Variants in SCRN1 observed in about 807,000 individuals in gnomAD.
The protein encoded by SCRN1 is secernin 1, also known as secernin-1.
Under a neutral mutation model 43.3 loss-of-function variants are expected in SCRN1, and 19 were observed. The observed-to-expected ratio is 0.44, with a 90% CI of 0.31 to 0.64. SCRN1 has a LOEUF of 0.64. SCRN1 is among the 30% of genes least tolerant of loss of function. The pLI is 0.09. For missense variants in SCRN1, 447 were observed against 524.1 expected, an observed-to-expected ratio of 0.85 and a Z score of 1.44; for synonymous variants, 183 against 188.9, an observed-to-expected ratio of 0.97 and a Z score of 0.26.
At chr7:29,945,333 C>T (rs576341865) in intron 3 of SCRN1, among the ~76,000 whole-genome samples, 7 of 152,266 alleles carry the variant, frequency 4.6e-5, no homozygotes, top group African/African-American at 9.6e-5. Flanking sequence ...TCAGGGGGTC[C>T]GGTCTTTCCT....
intron 1 of SCRN1, among the ~76,000 whole-genome samples, chr7:29,987,734 T>C (rs1789205412): frequency 6.6e-6 from 1 of 152,224 alleles, no homozygotes; most frequent in Admixed American, 6.5e-5. Flanking sequence ...ACAGACTTGC[T>C]GTTCTCCCCC....
intron 3 of SCRN1, among the ~76,000 whole-genome samples, chr7:29,947,743 C>A (rs892529085): frequency 3.3e-5 from 5 of 152,172 alleles, no homozygotes; most frequent in African/African-American, 1.2e-4. Context: ...AAGCCTCATC[C>A]CCAGTGTGAT....
chr7:29,930,111 A>C (rs565238657), intron 6 of SCRN1, among the ~76,000 whole-genome samples: 1 of 152,242 alleles, frequency 6.6e-6, no homozygotes, highest in Non-Finnish European at 1.5e-5. Context: ...CAACTAATAA[A>C]AAATATAAAG....
At chr7:29,957,431 T>C (rs1274343287) in intron 2 of SCRN1, among the ~76,000 whole-genome samples, 1 of 152,256 alleles carries the variant, frequency 6.6e-6, no homozygotes, top group East Asian at 1.9e-4. Context: ...TTTTCCTCTT[T>C]GCCGTTCCAT....
rs1786816426 is a variant in SCRN1 at position 29,922,948 on chromosome 7, TG to T, written c.*1008del. 6.6e-6 allele frequency: 1 copy of T among 152,220 alleles called. No homozygotes were observed. Among genetic ancestry groups the T allele is most frequent in the African/African-American group, 2.4e-5 (1 of 41,552 alleles). The allele number at this position is 152,220 out of a possible 1,614,324, so 9.4% of individuals were successfully genotyped here. A position where few individuals can be genotyped will look rare whatever the true frequency, so the allele number is the denominator to read the frequency against. On this transcript the variant is annotated 3_prime_UTR_variant, in exon 8 of 8. Coordinates refer to ENST00000242059, the MANE Select transcript of SCRN1 (RefSeq NM_014766.5). The stretch of plus-strand genomic sequence containing the variant: ...ATCAGTTTAATTAAAGTCTCTCTGC[TG>T]AGATAATGTAGTGACTGCTAGGATT...
Position 29,940,918 on chromosome 7 carries a change from T to C in SCRN1, c.545-42A>G, listed in dbSNP as rs370627615. ...GCCCCATAAGTTAAAAATATACTTATAAAGACTTAATCAACAAATGGAAAT... is the reference window on the plus strand; with the variant it reads ...GCCCCATAAGTTAAAAATATACTTACAAAGACTTAATCAACAAATGGAAAT... On this transcript the variant is annotated intron_variant, in intron 4 of 7. Transcript: ENST00000242059. 1.3e-4 allele frequency: 189 copies of C among 1,416,582 alleles called. 1 individual carries two copies. The highest frequency in any genetic ancestry group is 8.8e-5 in the Non-Finnish European group (95 of 1,079,078). 87.8% of individuals were successfully genotyped at this position (1,416,582 alleles called of 1,614,324 possible).
At chr7:29,984,918 CAAAA>C (rs748869830) in intron 1 of SCRN1, among the ~76,000 whole-genome samples, 1 of 55,590 alleles carries the variant, frequency 1.8e-5, no homozygotes, top group Non-Finnish European at 3.7e-5. Flanking sequence ...GACTCTGTCT[CAAAA>C]AAAAAAAAAA....
At chr7:29,947,742 C>T (rs1787780675) in intron 3 of SCRN1, among the ~76,000 whole-genome samples, 1 of 152,198 alleles carries the variant, frequency 6.6e-6, no homozygotes, top group South Asian at 2.1e-4. Flanking sequence ...TAAGCCTCAT[C>T]CCCAGTGTGA....
At chr7:29,931,627 T>C (rs1448856069) in intron 6 of SCRN1, among the ~76,000 whole-genome samples, 3 of 152,234 alleles carry the variant, frequency 2.0e-5, no homozygotes, top group African/African-American at 7.2e-5. Context: ...TAGAATTTAA[T>C]ATCACTGGCT....
chr7:29,960,845 A>G (rs1788283092), intron 2 of SCRN1, among the ~76,000 whole-genome samples: 1 of 152,156 alleles, frequency 6.6e-6, no homozygotes, highest in Non-Finnish European at 1.5e-5. Context: ...ATCCTCAGAG[A>G]GGATACCTAT....
chr7:29,966,732 G>A (rs1294839541), intron 2 of SCRN1, among the ~76,000 whole-genome samples: 1 of 152,212 alleles, frequency 6.6e-6, no homozygotes, highest in East Asian at 1.9e-4. Flanking sequence ...CAGTAAGAGA[G>A]GAAAGTGGGT....
intron 1 of SCRN1, among the ~76,000 whole-genome samples, chr7:29,981,636 T>C (rs188688376): frequency 1.2e-4 from 18 of 152,328 alleles, no homozygotes; most frequent in African/African-American, 4.3e-4. Flanking sequence ...TCTACTAGCC[T>C]GACTGAGTGA....
chr7:29,940,385 T>C (rs1323530384), intron 5 of SCRN1, among the ~76,000 whole-genome samples: 1 of 152,070 alleles, frequency 6.6e-6, no homozygotes, highest in Non-Finnish European at 1.5e-5. Context: ...TAATTACTGA[T>C]GTATGAGGAT....
chr7:29,944,484 G>A (rs1287244220), intron 3 of SCRN1, among the ~76,000 whole-genome samples: 1 of 151,866 alleles, frequency 6.6e-6, no homozygotes, highest in African/African-American at 2.4e-5. Flanking sequence ...AACATAGCGA[G>A]ACCTCTTCCT....
At chr7:29,943,093 T>G (rs771340899) in intron 4 of SCRN1, among the ~76,000 whole-genome samples, 109 of 152,098 alleles carry the variant, frequency 7.2e-4, no homozygotes, top group Non-Finnish European at 1.4e-3. Flanking sequence ...CCTGGTAAAT[T>G]TAGTTAAGAA....
In SCRN1 at chr7:29,920,398, C is replaced by CA. The variant is rs1786714720; in HGVS notation, c.*3558dup. 1 of 152,092 alleles carries CA rather than the reference C, an allele frequency of 6.6e-6. No homozygotes were observed. Among genetic ancestry groups the CA allele is most frequent in the African/African-American group, 2.4e-5 (1 of 41,410 alleles). The allele number at this position is 152,092 out of a possible 1,614,324, so 9.4% of individuals were successfully genotyped here. A position where few individuals can be genotyped will look rare whatever the true frequency, so the allele number is the denominator to read the frequency against. ...GGTGACATTTCGGGATGTTTGGAGT[C>CA]AATCAGATAAAGCACATTATGACAG... On this transcript the variant is annotated 3_prime_UTR_variant, in exon 8 of 8. Transcript: ENST00000242059.
Position 29,920,303 on chromosome 7 carries a change from A to G in SCRN1, c.*3654T>C, listed in dbSNP as rs1786711547. On this transcript the variant is annotated 3_prime_UTR_variant, in exon 8 of 8. Transcript: ENST00000242059. ...TTATTCCCTGCCAATAGCATTTTCC[A>G]TCTAACACATTTAAATTCTCACAGC... The G allele has an allele frequency of 6.6e-6, 1 of 152,210 alleles. No individual in the cohort carries two copies. Among genetic ancestry groups the G allele is most frequent in the African/African-American group, 2.4e-5 (1 of 41,394 alleles). The allele number at this position is 152,210 out of a possible 1,614,324, so 9.4% of individuals were successfully genotyped here.
chr7:29,947,753 T>C (rs1009572706), intron 3 of SCRN1, among the ~76,000 whole-genome samples: 2 of 152,206 alleles, frequency 1.3e-5, no homozygotes, highest in African/African-American at 4.8e-5. Context: ...CCCAGTGTGA[T>C]GGTATGGTAC....
Position 29,989,726 on chromosome 7 carries a change from G to A in SCRN1, c.-86C>T. On this transcript the variant is annotated 5_prime_UTR_variant, in exon 1 of 8. Coordinates refer to ENST00000242059, the MANE Select transcript of SCRN1 (RefSeq NM_014766.5). ...GAGGGTGCGGGTGCTGCCGGGTCCGGATTACTGCGGCGACCTCGGGGGCTG... is the reference window on the plus strand; with the variant it reads ...GAGGGTGCGGGTGCTGCCGGGTCCGAATTACTGCGGCGACCTCGGGGGCTG... 2.0e-6 allele frequency: 2 copies of A among 986,102 alleles called. No homozygotes were observed. The highest frequency in any genetic ancestry group is 2.4e-6 in the Non-Finnish European group (2 of 830,564). The allele number at this position is 986,102 out of a possible 1,614,324, so 61.1% of individuals were successfully genotyped here. A position where few individuals can be genotyped will look rare whatever the true frequency, so the allele number is the denominator to read the frequency against.
Sources: gnomAD v4.1 joint callset for allele counts (sites outside exome capture counted in the v4.1 genomes callset) on GRCh38, gnomAD v4.1.1 for gene constraint, MANE v1.5 for transcripts, NCBI Gene and HGNC (gene_info 2026-07-23, HGNC 2026-07-21) for gene names.